Variants in PBLD observed in about 807,000 individuals in gnomAD.
The protein encoded by PBLD is phenazine biosynthesis-like domain-containing protein.
Under a neutral mutation model 31.3 loss-of-function variants are expected in PBLD, and 26 were observed. That is an observed-to-expected ratio of 0.83 (90% CI 0.61 to 1.15). The LOEUF is 1.15. PBLD is among the 50% of genes most tolerant of loss of function. The probability of loss-of-function intolerance (pLI) is 0.00; values close to 1 mark genes in which losing one functional copy is unlikely to be tolerated. For synonymous variants in PBLD, 114 were observed against 129.0 expected, an observed-to-expected ratio of 0.88 and a Z score of 0.79; for missense variants, 307 against 351.7, an observed-to-expected ratio of 0.87 and a Z score of 1.02.
intron 1 of PBLD, among the ~76,000 whole-genome samples, chr10:68,312,795 T>G (rs1368541542): frequency 6.6e-6 from 1 of 151,530 alleles, no homozygotes; most frequent in Admixed American, 6.6e-5. Context: ...GTATTTTTAG[T>G]AGAGACGGGG....
rs745362764 is a variant in PBLD at position 68,319,047 on chromosome 10, A to AAGAG, written c.-59-12148_-59-12145dup. On this transcript the variant is annotated intron_variant, in intron 1 of 9. Transcript: ENST00000358769. ...GGAGAGAGAAGGAAAGAAAGAAAGA[A>AAGAG]AGAGAGAGAAAGAAAGAAAGAAAGA... Among the ~76,000 whole-genome samples, 967 of 111,250 alleles carry AAGAG rather than the reference A, an allele frequency of 8.7e-3. 10 individuals are homozygous for AAGAG. The highest frequency in any genetic ancestry group is 0.028 in the African/African-American group (858 of 30,880). 73.0% of individuals were successfully genotyped at this position (111,250 alleles called of 152,430 possible). A position where few individuals can be genotyped will look rare whatever the true frequency, so the allele number is the denominator to read the frequency against.
intron 2 of PBLD, among the ~76,000 whole-genome samples, chr10:68,299,933 C>T (rs1408381181): frequency 6.6e-6 from 1 of 152,004 alleles, no homozygotes; most frequent in African/African-American, 2.4e-5. Flanking sequence ...CTCTGTCACC[C>T]TGGCTAGAGT....
chr10:68,306,839 C>T lies in PBLD; in HGVS notation c.6G>A (p.Lys2=). The stretch of plus-strand genomic sequence containing the variant: ...ATGCATCTGCTATGAAAATAGGAAG[C>T]TTCATTTTCCTTGCAAGCTGTTTTT... The part of the protein sequence containing the change: M[K]LPIFIADAFT... The change falls in exon 2 of 10, where the codon AAG becomes AAA. Residue 2 remains lysine, a synonymous_variant. Transcript: ENST00000358769. The T allele has an allele frequency of 6.2e-7, 1 of 1,605,368 alleles. No homozygotes were observed. Among genetic ancestry groups the T allele is most frequent in the Non-Finnish European group, 8.5e-7 (1 of 1,173,662 alleles).
In PBLD at chr10:68,296,331, G is replaced by T; in HGVS notation, c.218C>A (p.Ala73Glu). 6.2e-7 allele frequency: 1 copy of T among 1,614,010 alleles called. No individual in the cohort carries two copies. The highest frequency in any genetic ancestry group is 8.5e-7 in the Non-Finnish European group (1 of 1,179,916). Residue 73 changes from alanine (A) to glutamate (E), a missense_variant, in exon 4 of 10, where the codon GCG becomes GAG. By Grantham distance (107) the Ala-to-Glu change is moderately radical (BLOSUM62 -1). Coordinates refer to ENST00000358769, the MANE Select transcript of PBLD (RefSeq NM_022129.4). ...ATGGCCACAGAGTGGGACCTCACTCGCTGGTGTAAACCATCTCAGTCCAAA... is the reference window on the plus strand; with the variant it reads ...ATGGCCACAGAGTGGGACCTCACTCTCTGGTGTAAACCATCTCAGTCCAAA... ...SCFGLRWFTP[A>E]SEVPLCGHAT...
intron 1 of PBLD, among the ~76,000 whole-genome samples, chr10:68,330,689 G>T (rs2045031813): frequency 6.6e-6 from 1 of 151,432 alleles, no homozygotes; most frequent in Non-Finnish European, 1.5e-5. Context: ...GAGACTACAG[G>T]GGCCCGCCAC....
chr10:68,329,181 T>C (rs2044972820), intron 1 of PBLD, among the ~76,000 whole-genome samples: 1 of 152,158 alleles, frequency 6.6e-6, no homozygotes, highest in Non-Finnish European at 1.5e-5. Flanking sequence ...ACCCAGCCTA[T>C]ATAGTGTATT....
At chr10:68,288,772 G>A in intron 7 of PBLD, 111 bp from the exon 8 acceptor site, 1 of 1,332,918 alleles carries the variant, frequency 7.5e-7, no homozygotes, top group Non-Finnish European at 1.1e-6. Flanking sequence ...TAACAGGAGG[G>A]GAAGGAAGAA....
intron 2 of PBLD, among the ~76,000 whole-genome samples, chr10:68,305,457 T>TA (rs548340193): frequency 2.7e-5 from 4 of 150,510 alleles, no homozygotes; most frequent in Admixed American, 6.6e-5. Context: ...TGGGGAACTT[T>TA]AAAAAAAACA....
chr10:68,330,300 C>G (rs1231553616), intron 1 of PBLD, among the ~76,000 whole-genome samples: 1 of 152,038 alleles, frequency 6.6e-6, no homozygotes, highest in African/African-American at 2.4e-5. Context: ...TGGAAACTTA[C>G]CTGTCTCCAT....
chr10:68,320,373 A>T (rs1430418878), intron 1 of PBLD, among the ~76,000 whole-genome samples: 2 of 152,190 alleles, frequency 1.3e-5, no homozygotes, highest in Non-Finnish European at 2.9e-5. Context: ...AAAATACATG[A>T]TGCAAAAACT....
rs1370951012 is a variant in PBLD at position 68,293,257 on chromosome 10, A to G, written c.284-1019T>C. 3.9e-5 allele frequency among the ~76,000 whole-genome samples: 6 copies of G among 152,360 alleles called. No individual in the cohort carries two copies. The South Asian group carries it at 1.2e-3, about 32-fold the overall frequency. ...AGATACGCCAAGGGAATAACAAAAC[A>G]TTTAAGTTGTAAATATCAGTGTTAT... On this transcript the variant is annotated intron_variant, in intron 4 of 9. Coordinates refer to ENST00000358769, the MANE Select transcript of PBLD (RefSeq NM_022129.4).
chr10:68,285,318 A>G, intron 9 of PBLD, 30 bp downstream of exon 9: 1 of 1,614,004 alleles, frequency 6.2e-7, no homozygotes, highest in Non-Finnish European at 8.5e-7. Context: ...TTAGGCAAAT[A>G]AAAAAGAAAT....
chr10:68,316,589 T>C (rs7084328), intron 1 of PBLD, among the ~76,000 whole-genome samples: 34,733 of 151,866 alleles, frequency 0.23, 4,832 homozygotes, highest in African/African-American at 0.35. Context: ...AAATAAATGG[T>C]CAAAAACTTA....
At chr10:68,331,161 T>A (rs1388986421) in intron 1 of PBLD, 4 of 152,184 alleles carry the variant, frequency 2.6e-5, no homozygotes, top group African/African-American at 9.7e-5. Flanking sequence ...GGCCAGCCTT[T>A]TTTGGAACTT....
chr10:68,284,966 G>C lies in PBLD; in HGVS notation c.754+382C>G, dbSNP rs1280077079. 2.2e-5 allele frequency: 23 copies of C among 1,022,894 alleles called. No individual in the cohort carries two copies. The East Asian group carries it at 1.4e-3, about 61-fold the overall frequency. 63.4% of individuals were successfully genotyped at this position (1,022,894 alleles called of 1,614,324 possible). On this transcript the variant is annotated intron_variant, in intron 9 of 9. Coordinates refer to ENST00000358769, the MANE Select transcript of PBLD (RefSeq NM_022129.4). ...CTCTAAGCAATACATTAATCACTAGGGGACTTGGTTCCAAAGTAATTTGTT... is the reference window on the plus strand; with the variant it reads ...CTCTAAGCAATACATTAATCACTAGCGGACTTGGTTCCAAAGTAATTTGTT...
rs537252594 is a variant in PBLD at position 68,299,627 on chromosome 10, G to A, written c.85-2642C>T. On this transcript the variant is annotated intron_variant, in intron 2 of 9. Coordinates refer to ENST00000358769, the MANE Select transcript of PBLD (RefSeq NM_022129.4). ...TCCCAGCACTTTAGGAGGGCGAGGC[G>A]GGTAGATCACCTGAGGTCAGGAGTT... 3.3e-5 allele frequency among the ~76,000 whole-genome samples: 5 copies of A among 152,128 alleles called. No individual in the cohort carries two copies. The South Asian group carries it at 6.2e-4, about 19-fold the overall frequency.
At chr10:68,301,275 T>C (rs998922391) in intron 2 of PBLD, among the ~76,000 whole-genome samples, 3 of 152,154 alleles carry the variant, frequency 2.0e-5, no homozygotes, top group Non-Finnish European at 4.4e-5. Flanking sequence ...GAAAATGCAG[T>C]GGGATGAGTA....
intron 1 of PBLD, among the ~76,000 whole-genome samples, chr10:68,328,670 T>C (rs994287781): frequency 3.3e-5 from 5 of 152,186 alleles, no homozygotes; most frequent in Non-Finnish European, 7.3e-5. Flanking sequence ...GTTTTAACCA[T>C]CTCTATGGAA....
chr10:68,296,798 G>C, intron 3 of PBLD, 88 bp downstream of exon 3: 2 of 1,153,572 alleles, frequency 1.7e-6, no homozygotes, highest in Non-Finnish European at 2.6e-6. Flanking sequence ...GAACGCAGGA[G>C]GCGGAGGTTG....
Sources: allele counts gnomAD v4.1 joint callset (sites outside exome capture counted in the v4.1 genomes callset), GRCh38; gene constraint gnomAD v4.1.1; transcripts MANE v1.5; gene names NCBI Gene and HGNC (gene_info 2026-07-23, HGNC 2026-07-21).